The following KDM4C variants were observed in gnomAD, a reference collection of about 807,000 sequenced individuals.
KDM4C encodes the protein lysine demethylase 4C.
KDM4C carries 81 observed loss-of-function variants against 129.3 expected under a neutral mutation model. The ratio of observed to expected loss-of-function variants is 0.63; its 90% CI spans 0.52 to 0.75. KDM4C has a LOEUF of 0.75. Ranked by LOEUF, KDM4C falls within the 30% of genes least tolerant of loss-of-function variation. The pLI is 0.00. For synonymous variants in KDM4C, 573 were observed against 456.1 expected (o/e 1.26, Z -3.26); for missense variants, 1,457 against 1,304.0 (o/e 1.12, Z -1.81).
chr9:6,984,702 C>G (rs1005803787), intron 10 of KDM4C, among the ~76,000 whole-genome samples: 1 of 151,346 alleles, frequency 6.6e-6, no homozygotes, highest in Non-Finnish European at 1.5e-5. Context: ...TTACAATATA[C>G]GTTTTTGGAA....
intron 8 of KDM4C, among the ~76,000 whole-genome samples, chr9:6,978,259 G>C (rs1833261077): frequency 6.6e-6 from 1 of 152,046 alleles, no homozygotes; most frequent in Non-Finnish European, 1.5e-5. Flanking sequence ...TTTGCATTGT[G>C]GGTCTTACAG....
intron 3 of KDM4C, among the ~76,000 whole-genome samples, chr9:6,809,847 A>G (rs745800050): frequency 3.3e-5 from 5 of 152,062 alleles, no homozygotes; most frequent in Non-Finnish European, 4.4e-5. Flanking sequence ...TAAATACAAA[A>G]ATTAGCCAGG....
intron 8 of KDM4C, among the ~76,000 whole-genome samples, chr9:6,962,060 C>T (rs1172580858): frequency 6.6e-6 from 1 of 152,136 alleles, no homozygotes; most frequent in Non-Finnish European, 1.5e-5. Flanking sequence ...ACCCTAGAGT[C>T]ACAGTGGGAT....
intron 3 of KDM4C, among the ~76,000 whole-genome samples, chr9:6,806,859 GCTCTCCCTCTCCGTCTCCGTCTCC>G (rs1830062781): frequency 6.8e-6 from 1 of 146,670 alleles, no homozygotes; most frequent in African/African-American, 2.6e-5. Flanking sequence ...ACACACTGTT[GCTCTCCCTCTCCGTCTCCGTCTCC>G]CTCTCCCTCT....
At chr9:6,967,605 C>G (rs924448128) in intron 8 of KDM4C, among the ~76,000 whole-genome samples, 1 of 152,054 alleles carries the variant, frequency 6.6e-6, no homozygotes, top group Non-Finnish European at 1.5e-5. Context: ...AGGGAAGATG[C>G]TGTTATCTGG....
intron 5 of KDM4C, among the ~76,000 whole-genome samples, chr9:6,862,763 C>T (rs761014271): frequency 1.3e-5 from 2 of 152,086 alleles, no homozygotes; most frequent in Non-Finnish European, 1.5e-5. Flanking sequence ...GCCGAGATCA[C>T]GCCACTGTAC....
At chr9:6,971,276 C>G (rs112667766) in intron 8 of KDM4C, among the ~76,000 whole-genome samples, 66 of 152,206 alleles carry the variant, frequency 4.3e-4, no homozygotes, top group Middle Eastern at 6.8e-3. Context: ...GTCTTTACTG[C>G]TTGGCAGAAC....
intron 3 of KDM4C, among the ~76,000 whole-genome samples, chr9:6,809,339 G>C (rs1830725799): frequency 6.6e-6 from 1 of 152,180 alleles, no homozygotes; most frequent in Non-Finnish European, 1.5e-5. Flanking sequence ...CAAGATTGCA[G>C]AGGCAATTAA....
intron 17 of KDM4C, among the ~76,000 whole-genome samples, chr9:7,088,480 A>T (rs2133018433): frequency 6.6e-6 from 1 of 152,314 alleles, no homozygotes; most frequent in South Asian, 2.1e-4. Context: ...AAACTATTTG[A>T]CTTCTAAAAT....
At chr9:6,982,562 T>G (rs1420801439) in intron 9 of KDM4C, 1 of 152,216 alleles carries the variant, frequency 6.6e-6, no homozygotes. Flanking sequence ...GTGGGTTACA[T>G]TCAAGAAAAG....
chr9:6,754,092 T>G (rs1818163470), upstream of KDM4C, among the ~76,000 whole-genome samples: 1 of 151,962 alleles, frequency 6.6e-6, no homozygotes, highest in Non-Finnish European at 1.5e-5. Context: ...GCCAGGATGG[T>G]CTCGATCTCC....
At chr9:7,054,430 T>C (rs903058183) in intron 17 of KDM4C, among the ~76,000 whole-genome samples, 2 of 152,188 alleles carry the variant, frequency 1.3e-5, no homozygotes, top group African/African-American at 4.8e-5. Context: ...AACATAGAGA[T>C]ATATAAAACA....
At chr9:7,025,197 T>C (rs904960155) in intron 15 of KDM4C, among the ~76,000 whole-genome samples, 1 of 152,328 alleles carries the variant, frequency 6.6e-6, no homozygotes, top group East Asian at 1.9e-4. Flanking sequence ...TTTTTTGCTT[T>C]TGTCGCCATG....
intron 19 of KDM4C, among the ~76,000 whole-genome samples, chr9:7,147,882 C>T (rs1020587673): frequency 3.3e-5 from 5 of 152,166 alleles, no homozygotes; most frequent in East Asian, 1.9e-4. Flanking sequence ...TGGCTGGTGG[C>T]GCCTCTGCTT....
intron 17 of KDM4C, among the ~76,000 whole-genome samples, chr9:7,094,166 C>A (rs1004810181): frequency 1.4e-4 from 21 of 152,154 alleles, no homozygotes; most frequent in African/African-American, 5.1e-4. Context: ...GAAATATTGA[C>A]CATTTACTTG....
intron 12 of KDM4C, among the ~76,000 whole-genome samples, chr9:7,009,109 A>G (rs1287070226): frequency 2.0e-5 from 3 of 152,252 alleles, no homozygotes; most frequent in Admixed American, 2.0e-4. Flanking sequence ...AAGCTCAATG[A>G]GCTGCAAGTG....
At chr9:6,867,096 A>G (rs1443252066) in intron 5 of KDM4C, among the ~76,000 whole-genome samples, 1 of 148,822 alleles carries the variant, frequency 6.7e-6, no homozygotes, top group Non-Finnish European at 1.5e-5. Flanking sequence ...GCTCACTGCA[A>G]CCTCCGCCTG....
intron 1 of KDM4C, among the ~76,000 whole-genome samples, chr9:6,759,169 G>T (rs1036329812): frequency 6.6e-6 from 1 of 152,192 alleles, no homozygotes; most frequent in African/African-American, 2.4e-5. Context: ...ATGTAGGTTA[G>T]AAAAGCAGAG....
At chr9:7,051,601 G>T (rs935631333) in intron 17 of KDM4C, among the ~76,000 whole-genome samples, 2 of 152,086 alleles carry the variant, frequency 1.3e-5, no homozygotes, top group African/African-American at 4.8e-5. Context: ...ATTTCATCCA[G>T]GCAAAAGTAA....
Sources: allele counts gnomAD v4.1 joint callset (sites outside exome capture counted in the v4.1 genomes callset), GRCh38; gene constraint gnomAD v4.1.1; transcripts MANE v1.5; gene names NCBI Gene and HGNC (gene_info 2026-07-23, HGNC 2026-07-21).